Variants in ANTXRL observed in about 807,000 individuals in gnomAD.
ANTXRL encodes ANTXR like.
A neutral mutation model predicts 75.4 loss-of-function variants in ANTXRL; 63 were observed. The ratio of observed to expected loss-of-function variants is 0.84; its 90% CI spans 0.68 to 1.03. The LOEUF (loss-of-function observed/expected upper bound fraction) is 1.03. Among genes scored for constraint, ANTXRL ranks in the 50% least tolerant of loss-of-function variants. The pLI, the probability that ANTXRL is intolerant of heterozygous loss-of-function variation, is 0.00. For synonymous variants in ANTXRL, 335 were observed against 291.3 expected (o/e 1.15, Z -1.53); for missense variants, 797 against 789.4 (o/e 1.01, Z -0.12).
Position 46,329,906 on chromosome 10 carries a change from C to T in ANTXRL, c.1718C>T (p.Pro573Leu). 1 of 1,535,924 alleles carries T rather than the reference C, an allele frequency of 6.5e-7. No homozygotes were observed. Among genetic ancestry groups the T allele is most frequent in the South Asian group, 1.2e-5 (1 of 84,056 alleles). The change falls in exon 17 of 17, where the codon CCA (proline) becomes CTA (leucine). Residue 573 changes from proline to leucine, a missense_variant. By Grantham distance (98) the Pro-to-Leu change is moderately conservative. Around this residue, in one of 3 missense-constraint regions of ANTXRL, gnomAD observed 479 missense variants for 422.0 expected, o/e 1.14. Transcript: ENST00000620264. ...YFSQAQTLCN[P>L]KSCLQPSREC... ...TCCCAAGCACAGACTCTGTGCAACC[C>T]AAAGAGCTGCCTTCAACCCAGCCGG...
chr10:46,292,434 C>A (rs1194613178), intron 2 of ANTXRL, among the ~76,000 whole-genome samples: 2 of 152,100 alleles, frequency 1.3e-5, no homozygotes, highest in Non-Finnish European at 2.9e-5. Flanking sequence ...AGTCCTGGAA[C>A]TCCGAGTTGC....
chr10:46,322,640 G>T (rs549215762), intron 16 of ANTXRL, among the ~76,000 whole-genome samples: 5 of 152,262 alleles, frequency 3.3e-5, no homozygotes, highest in Non-Finnish European at 7.4e-5. Context: ...AGGACAAGTT[G>T]TGGGATGCAG....
rs1554959064 is a variant in ANTXRL at position 46,297,298 on chromosome 10, G to A, written c.555G>A (p.Val185=). 1 of 1,536,382 alleles carries A rather than the reference G, an allele frequency of 6.5e-7. No homozygotes were observed. The highest frequency in any genetic ancestry group is 2.4e-5 in the East Asian group (1 of 40,918). The stretch of plus-strand genomic sequence containing the variant: ...TTGCTATGACTGATGGAGAACTGGT[G>A]GCACATGCATTTCAGGACACTCTCA... The part of the protein sequence containing the change: ...MIIAMTDGEL[V]AHAFQDTLRE... The change falls in exon 6 of 17, where the codon GTG becomes GTA. Residue 185 remains valine, a synonymous_variant. Transcript: ENST00000620264.
At chr10:46,307,810 G>A (rs1300025880) in intron 12 of ANTXRL, among the ~76,000 whole-genome samples, 1 of 152,092 alleles carries the variant, frequency 6.6e-6, no homozygotes, top group Non-Finnish European at 1.5e-5. Flanking sequence ...GATGACCCTG[G>A]CCCCTGAGCC....
At chr10:46,291,510 TAA>T (rs1836982126) in intron 1 of ANTXRL, among the ~76,000 whole-genome samples, 1 of 152,178 alleles carries the variant, frequency 6.6e-6, no homozygotes, top group Non-Finnish European at 1.5e-5. Context: ...ATTGTTATCT[TAA>T]CAATATTATT....
At chr10:46,296,507 C>T (rs150317645) in intron 5 of ANTXRL, among the ~76,000 whole-genome samples, 1 of 152,142 alleles carries the variant, frequency 6.6e-6, no homozygotes, top group African/African-American at 2.4e-5. Flanking sequence ...GCTTGCCCTC[C>T]AGCTGGGCTG....
intron 5 of ANTXRL, among the ~76,000 whole-genome samples, chr10:46,296,895 T>G (rs1439116946): frequency 4.6e-5 from 7 of 152,162 alleles, no homozygotes; most frequent in African/African-American, 1.7e-4. Flanking sequence ...AGCTCCTCCC[T>G]CTGCCCGTGG....
intron 10 of ANTXRL, 108 bp from the exon 11 acceptor site, chr10:46,306,695 A>C: frequency 1.1e-6 from 1 of 943,362 alleles, no homozygotes; most frequent in South Asian, 1.8e-5. Flanking sequence ...CAGAGCCCAC[A>C]TGCCGGTCCT....
chr10:46,298,286 G>T (rs1837509373), intron 9 of ANTXRL, among the ~76,000 whole-genome samples: 1 of 151,884 alleles, frequency 6.6e-6, no homozygotes, highest in Non-Finnish European at 1.5e-5. Flanking sequence ...TTGTGCTGTG[G>T]GAGGCTTGAT....
chr10:46,313,460 TGG>T, intron 16 of ANTXRL, 144 bp downstream of exon 16: 1 of 850,798 alleles, frequency 1.2e-6, no homozygotes, highest in Admixed American at 2.1e-5. Flanking sequence ...ACGGTGCCCA[TGG>T]GCATCCCAGC....
At chr10:46,325,056 G>C (rs370587722) in intron 16 of ANTXRL, among the ~76,000 whole-genome samples, 9 of 152,224 alleles carry the variant, frequency 5.9e-5, no homozygotes, top group African/African-American at 2.2e-4. Context: ...GTTTATGCTG[G>C]ATAAGGCGAC....
chr10:46,302,310 G>A (rs117938639), intron 9 of ANTXRL, among the ~76,000 whole-genome samples: 4,838 of 152,238 alleles, frequency 0.032, 148 homozygotes, highest in Non-Finnish European at 0.045. Context: ...GAGACATGGT[G>A]TCTTCAGGCA....
Position 46,329,954 on chromosome 10 carries a change from C to T in ANTXRL, c.1766C>T (p.Ser589Phe), listed in dbSNP as rs1354663767. Residue 589 changes from serine (S) to phenylalanine (F), a missense_variant, in exon 17 of 17, where the codon TCC (serine) becomes TTC (phenylalanine). Physicochemically the swap from Ser to Phe is radical, Grantham distance 155 (BLOSUM62 -2). This residue lies in a region of ANTXRL where 479 missense variants were observed against 422.0 expected (regional missense o/e 1.14). Coordinates refer to ENST00000620264, the MANE Select transcript of ANTXRL (RefSeq NM_001278688.3). ...CGGGAGTGCCTCCCCCTCACCTGCT[C>T]CTCCAGGTGCCGCCTCCCCCCAGCT... ...PSRECLPLTC[S>F]SRCRLPPARC... 3.3e-6 allele frequency: 5 copies of T among 1,535,700 alleles called. No homozygotes were observed. Among genetic ancestry groups the T allele is most frequent in the Admixed American group, 2.0e-5 (1 of 50,960 alleles).
At chr10:46,302,615 G>A (rs1837822616) in intron 9 of ANTXRL, 107 bp from the exon 10 acceptor site, 2 of 738,652 alleles carry the variant, frequency 2.7e-6, no homozygotes, top group Admixed American at 4.6e-5. Flanking sequence ...CCTTACAGGA[G>A]CCTCTGTGAA....
intron 11 of ANTXRL, among the ~76,000 whole-genome samples, 189 bp downstream of exon 11, chr10:46,307,061 T>C (rs1838138878): frequency 6.6e-6 from 1 of 152,126 alleles, no homozygotes; most frequent in African/African-American, 2.4e-5. Context: ...ATCTGCAGCA[T>C]CCTAGGGTCT....
intron 13 of ANTXRL, 82 bp from the exon 14 acceptor site, chr10:46,310,379 C>A: frequency 1.5e-6 from 2 of 1,338,672 alleles, no homozygotes; most frequent in South Asian, 1.3e-5. Flanking sequence ...TGCTCCAGGC[C>A]AGGGTCCCAG....
chr10:46,299,372 G>A (rs1486320194), intron 9 of ANTXRL, among the ~76,000 whole-genome samples: 4 of 152,150 alleles, frequency 2.6e-5, no homozygotes, highest in African/African-American at 9.7e-5. Flanking sequence ...TAGCGAGGAT[G>A]CCCTCTTGTC....
At chr10:46,307,855 C>A (rs1554962325) in intron 12 of ANTXRL, among the ~76,000 whole-genome samples, 2 of 152,136 alleles carry the variant, frequency 1.3e-5, no homozygotes, top group Admixed American at 6.5e-5. Context: ...TTCCCAGATG[C>A]CTTCAGCCCC....
At chr10:46,300,853 T>C (rs1565026661) in intron 9 of ANTXRL, among the ~76,000 whole-genome samples, 1 of 152,182 alleles carries the variant, frequency 6.6e-6, no homozygotes, top group Non-Finnish European at 1.5e-5. Flanking sequence ...TCTTTGGTTT[T>C]CTTCCACCCT....
Sources: allele counts gnomAD v4.1 joint callset (sites outside exome capture counted in the v4.1 genomes callset), GRCh38; gene constraint gnomAD v4.1.1; regional missense constraint gnomAD v4.1.1; transcripts MANE v1.5; gene names NCBI Gene and HGNC (gene_info 2026-07-23, HGNC 2026-07-21).